Variants in RUNX1 observed in about 807,000 individuals in gnomAD.
RUNX1 encodes runt-related transcription factor 1.
RUNX1 carries 19 observed loss-of-function variants against 42.8 expected under a neutral mutation model. That is an observed-to-expected ratio of 0.44 (90% CI 0.31 to 0.65). The LOEUF is 0.65. RUNX1 is among the 30% of genes least tolerant of loss of function. The pLI is 0.07. For synonymous variants in RUNX1, 271 were observed against 289.4 expected (o/e 0.94, Z 0.64); for missense variants, 528 against 672.0 (o/e 0.79, Z 2.37).
intron 2 of RUNX1, among the ~76,000 whole-genome samples, chr21:34,918,605 A>G (rs2058330049): frequency 1.3e-5 from 2 of 152,242 alleles, no homozygotes; most frequent in South Asian, 4.1e-4. Context: ...AATTTAAAAA[A>G]GTACATGAAA....
intron 2 of RUNX1, chr21:35,038,483 G>A (rs2059326804): frequency 2.2e-6 from 1 of 455,450 alleles, no homozygotes; most frequent in Non-Finnish European, 4.4e-6. Context: ...AGCAGTTTCT[G>A]CTACACCTAG....
chr21:34,814,366 G>A (rs2056797010), intron 7 of RUNX1, among the ~76,000 whole-genome samples: 1 of 152,170 alleles, frequency 6.6e-6, no homozygotes, highest in Non-Finnish European at 1.5e-5. Context: ...CGGCGACAGG[G>A]ATCACACTGT....
chr21:34,811,466 A>G (rs2056757510), intron 7 of RUNX1, among the ~76,000 whole-genome samples: 1 of 152,158 alleles, frequency 6.6e-6, no homozygotes, highest in Non-Finnish European at 1.5e-5. Context: ...ACCTCAGGGA[A>G]CTGCCCTGTG....
chr21:35,047,561 A>ACTCTCTCTCTCTCTCTCTCTCTCTCT (rs55862184), intron 2 of RUNX1, among the ~76,000 whole-genome samples: 2 of 46,760 alleles, frequency 4.3e-5, no homozygotes, highest in South Asian at 8.2e-4. Flanking sequence ...ACACACACAC[A>ACTCTCTCTCTCTCTCTCTCTCTCTCT]CTCTCTCTCT....
chr21:34,892,813 T>C (rs2058094694), intron 3 of RUNX1, 112 bp downstream of exon 3: 11 of 689,866 alleles, frequency 1.6e-5, no homozygotes, highest in Non-Finnish European at 2.0e-5. Flanking sequence ...GCCTTAATTA[T>C]TTGGTTAAAT....
intron 2 of RUNX1, among the ~76,000 whole-genome samples, chr21:34,917,518 A>G (rs1244420500): frequency 6.6e-6 from 1 of 152,250 alleles, no homozygotes; most frequent in African/African-American, 2.4e-5. Context: ...AATGCTGACC[A>G]GAGTTTTAAT....
intron 2 of RUNX1, among the ~76,000 whole-genome samples, chr21:35,030,918 C>G (rs2059268279): frequency 6.6e-6 from 1 of 152,048 alleles, no homozygotes; most frequent in African/African-American, 2.4e-5. Context: ...GGGCAAAGGA[C>G]CTGAAAAAAA....
At position 34,788,757 on chromosome 21, in the gene RUNX1, C is replaced by T. The variant is rs1008637743; in HGVS notation, c.*3378G>A. The T allele has an allele frequency of 8.1e-5, 19 of 233,356 alleles. No homozygotes were observed. The highest frequency in any genetic ancestry group is 1.8e-4 in the South Asian group (1 of 5,530). The allele number at this position is 233,356 out of a possible 1,614,324, so 14.5% of individuals were successfully genotyped here. ...ACAAAAATCCCAAAACAAATGTATA[C>T]GCTACGGTAAACAAAAAGGCATTTT... On this transcript the variant is annotated 3_prime_UTR_variant, in exon 9 of 9. Coordinates refer to ENST00000675419, the MANE Select transcript of RUNX1 (RefSeq NM_001754.5).
intron 7 of RUNX1, among the ~76,000 whole-genome samples, chr21:34,806,839 T>C (rs1220322895): frequency 2.0e-5 from 3 of 152,082 alleles, no homozygotes; most frequent in Non-Finnish European, 4.4e-5. Flanking sequence ...CTCCAAATAT[T>C]TGGAGATTAA....
chr21:34,811,166 A>G (rs1220617958), intron 7 of RUNX1, among the ~76,000 whole-genome samples: 1 of 152,220 alleles, frequency 6.6e-6, no homozygotes, highest in Non-Finnish European at 1.5e-5. Flanking sequence ...ATGAATGGCA[A>G]CCGTTCTTTC....
chr21:34,988,552 C>T lies in RUNX1; in HGVS notation c.58+60290G>A, dbSNP rs764840624. ...TCGGCTCCTGTACAACTGTCCTTCC[C>T]ATCTCCATCTGCCAAACTCATTCTT... On this transcript the variant is annotated intron_variant, in intron 2 of 8. Transcript: ENST00000675419. 5.0e-4 allele frequency among the ~76,000 whole-genome samples: 75 copies of T among 150,488 alleles called. 1 individual carries two copies. Among genetic ancestry groups the T allele is most frequent in the Non-Finnish European group, 9.9e-4 (67 of 67,848 alleles).
At chr21:34,960,818 A>C (rs2058676557) in intron 2 of RUNX1, among the ~76,000 whole-genome samples, 1 of 152,210 alleles carries the variant, frequency 6.6e-6, no homozygotes, top group Non-Finnish European at 1.5e-5. Flanking sequence ...GAGAAGGGAA[A>C]GCTGCCTGAA....
chr21:34,939,596 T>C (rs1191054894), intron 2 of RUNX1, among the ~76,000 whole-genome samples: 1 of 152,114 alleles, frequency 6.6e-6, no homozygotes, highest in Non-Finnish European at 1.5e-5. Context: ...CACTAGCACT[T>C]AGGCCCCAGG....
intron 5 of RUNX1, among the ~76,000 whole-genome samples, chr21:34,864,626 G>A (rs767866763): frequency 5.3e-5 from 8 of 152,206 alleles, no homozygotes; most frequent in Admixed American, 2.0e-4. Flanking sequence ...GGGCCACCAC[G>A]GGGTCACAGG....
chr21:34,789,329 T>C lies in RUNX1; in HGVS notation c.*2806A>G. On this transcript the variant is annotated 3_prime_UTR_variant, in exon 9 of 9. Coordinates refer to ENST00000675419, the MANE Select transcript of RUNX1 (RefSeq NM_001754.5). ...AGAGGAAGAGAGAAAAAAAGGGAGA[T>C]ATTGGGGGGAAGAGAGGGAGGGAAA... is the stretch of plus-strand genomic sequence containing the variant. 1 of 225,468 alleles carries C rather than the reference T, an allele frequency of 4.4e-6. No homozygotes were observed. The highest frequency in any genetic ancestry group is 8.7e-6 in the Non-Finnish European group (1 of 114,450). 14.0% of individuals were successfully genotyped at this position (225,468 alleles called of 1,614,324 possible).
chr21:34,889,797 G>T (rs1486524691), intron 3 of RUNX1: 1 of 1,129,236 alleles, frequency 8.9e-7, no homozygotes. Context: ...CTCCGACCCC[G>T]CCCGGCGGGG....
intron 2 of RUNX1, among the ~76,000 whole-genome samples, chr21:34,993,650 CACACACAG>C (rs1456769911): frequency 6.1e-5 from 9 of 146,528 alleles, no homozygotes; most frequent in Non-Finnish European, 1.2e-4. Flanking sequence ...CACAGGCACA[CACACACAG>C]ACACACAGAG....
At chr21:34,900,124 T>A (rs527355073) in intron 2 of RUNX1, among the ~76,000 whole-genome samples, 1 of 152,268 alleles carries the variant, frequency 6.6e-6, no homozygotes. Flanking sequence ...AATTTTAATA[T>A]GTTTTATTTA....
chr21:34,928,363 C>T (rs1366992903), intron 2 of RUNX1, among the ~76,000 whole-genome samples: 1 of 152,088 alleles, frequency 6.6e-6, no homozygotes, highest in East Asian at 1.9e-4. Flanking sequence ...AATATTCTTG[C>T]CATAGATTCT....
Sources: gnomAD v4.1 joint callset for allele counts (sites outside exome capture counted in the v4.1 genomes callset) on GRCh38, gnomAD v4.1.1 for gene constraint, MANE v1.5 for transcripts, NCBI Gene and HGNC (gene_info 2026-07-23, HGNC 2026-07-21) for gene names.